SLC45A2: variants seen among roughly 807,000 people sequenced by gnomAD.
SLC45A2 encodes membrane-associated transporter protein.
In SLC45A2, 36 loss-of-function variants were observed where a neutral mutation model predicts 45.5. The ratio of observed to expected loss-of-function variants is 0.79; its 90% CI spans 0.61 to 1.04. SLC45A2 has a LOEUF of 1.04. Ranked by LOEUF, SLC45A2 falls within the 50% of genes least tolerant of loss-of-function variation. The pLI is 0.00. For missense variants in SLC45A2, 719 were observed against 671.0 expected (o/e 1.07, Z -0.79); for synonymous variants, 306 against 269.3 (o/e 1.14, Z -1.33).
intron 2 of SLC45A2, among the ~76,000 whole-genome samples, chr5:33,974,303 A>G (rs1752863782): frequency 1.3e-5 from 2 of 152,176 alleles, no homozygotes; most frequent in South Asian, 4.1e-4. Flanking sequence ...TAGAGGAATT[A>G]AATGTCTCCC....
intron 6 of SLC45A2, chr5:33,946,257 AG>A (rs1399741340): frequency 2.9e-5 from 29 of 985,352 alleles, no homozygotes; most frequent in Middle Eastern, 5.2e-4. Flanking sequence ...GGATGAGGAA[AG>A]CCACACCTCT....
chr5:33,954,492 T>C lies in SLC45A2; in HGVS notation c.901A>G (p.Met301Val). Reference sequence around the variant, plus strand: ...GCTCTCAGCAGTGACTTTAATGTCATTGCCCTGCGAGTCTGAAATAAAACA... The same window carrying C: ...GCTCTCAGCAGTGACTTTAATGTCACTGCCCTGCGAGTCTGAAATAAAACA... ...KNHAEQTRRA[M>V]TLKSLLRALV... The change falls in exon 4 of 7, where the codon ATG (methionine) becomes GTG (valine). Residue 301 changes from methionine (M) to valine (V), a missense_variant. Physicochemically the swap from Met to Val is conservative, Grantham distance 21. Transcript: ENST00000296589. 4.3e-6 allele frequency: 7 copies of C among 1,613,938 alleles called. No individual in the cohort carries two copies. Among genetic ancestry groups the C allele is most frequent in the South Asian group, 1.1e-5 (1 of 91,070 alleles).
chr5:33,958,854 C>A (rs28777), intron 3 of SLC45A2, among the ~76,000 whole-genome samples: 104,654 of 152,160 alleles, frequency 0.69, 44,405 homozygotes, highest in Non-Finnish European at 0.97. Flanking sequence ...CTCACAGCAG[C>A]CTCTGAGTGG....
At chr5:33,950,288 C>A (rs1379480565) in intron 5 of SLC45A2, among the ~76,000 whole-genome samples, 3 of 152,280 alleles carry the variant, frequency 2.0e-5, no homozygotes, top group Middle Eastern at 6.8e-3. Flanking sequence ...ATTTACTAGA[C>A]CCTTTTAGTC....
At chr5:33,975,789 C>T (rs1274362521) in intron 2 of SLC45A2, among the ~76,000 whole-genome samples, 1 of 152,130 alleles carries the variant, frequency 6.6e-6, no homozygotes, top group African/African-American at 2.4e-5. Flanking sequence ...CCCAATTCTG[C>T]CTAATGAGAA....
intron 5 of SLC45A2, among the ~76,000 whole-genome samples, chr5:33,947,596 AT>A (rs937897833): frequency 3.3e-5 from 5 of 152,074 alleles, no homozygotes; most frequent in African/African-American, 7.2e-5. Context: ...TGGTAGGCTG[AT>A]TTTTTTTCTA....
intron 3 of SLC45A2, 77 bp downstream of exon 3, chr5:33,963,614 A>G: frequency 1.4e-6 from 2 of 1,447,000 alleles, no homozygotes; most frequent in Non-Finnish European, 1.9e-6. Flanking sequence ...CAGACAAAAC[A>G]AACAATTAAA....
chr5:33,944,688 C>G lies in SLC45A2; in HGVS notation c.1553G>C (p.Gly518Ala). 1 of 1,614,198 alleles carries G rather than the reference C, an allele frequency of 6.2e-7. No individual in the cohort carries two copies. Among genetic ancestry groups the G allele is most frequent in the African/African-American group, 1.3e-5 (1 of 75,040 alleles). Residue 518 changes from glycine (G) to alanine (A), a missense_variant, in exon 7 of 7, where the codon GGC becomes GCC. By Grantham distance (60) the Gly-to-Ala change is moderately conservative (BLOSUM62 0). Coordinates refer to ENST00000296589, the MANE Select transcript of SLC45A2 (RefSeq NM_016180.5). ...AACAAAGAGAGCGACAAAGCAACAGCCTATCAGTGCCACCGCAGACGCTGT... is the reference window on the plus strand; with the variant it reads ...AACAAAGAGAGCGACAAAGCAACAGGCTATCAGTGCCACCGCAGACGCTGT... ...VITASAVALI[G>A]CCFVALFVRY...
intron 3 of SLC45A2, among the ~76,000 whole-genome samples, 199 bp from the exon 4 acceptor site, chr5:33,954,703 T>A (rs1490677554): frequency 1.3e-5 from 2 of 152,082 alleles, no homozygotes; most frequent in African/African-American, 4.8e-5. Context: ...TGCTTGGCAG[T>A]TTCAGGCCCA....
intron 4 of SLC45A2, 51 bp from the exon 5 acceptor site, chr5:33,951,728 C>T: frequency 6.2e-7 from 1 of 1,612,160 alleles, no homozygotes. Context: ...GTAGTAAGAA[C>T]CCTTCTCATG....
chr5:33,954,612 C>A lies in SLC45A2; in HGVS notation c.889-108G>T, dbSNP rs530586736. 33 of 1,474,462 alleles carry A rather than the reference C, an allele frequency of 2.2e-5. No homozygotes were observed. In the African/African-American group the frequency reaches 4.4e-4, roughly 20 times the overall value. The allele number at this position is 1,474,462 out of a possible 1,614,324, so 91.3% of individuals were successfully genotyped here. Reference sequence around the variant, plus strand: ...ATGTATTTGTCAGTCAGCCATCACACAAAGTGTCACTTTTCCTGGACATGG... The same window carrying A: ...ATGTATTTGTCAGTCAGCCATCACAAAAAGTGTCACTTTTCCTGGACATGG... On this transcript the variant is annotated intron_variant, in intron 3 of 6. Coordinates refer to ENST00000296589, the MANE Select transcript of SLC45A2 (RefSeq NM_016180.5).
intron 2 of SLC45A2, among the ~76,000 whole-genome samples, chr5:33,964,930 G>C (rs931203487): frequency 6.6e-6 from 1 of 152,150 alleles, no homozygotes; most frequent in South Asian, 2.1e-4. Context: ...TCTGATAAAG[G>C]TGGGGAGATA....
intron 4 of SLC45A2, among the ~76,000 whole-genome samples, chr5:33,954,034 A>G (rs1336364984): frequency 6.7e-6 from 1 of 150,290 alleles, no homozygotes; most frequent in Non-Finnish European, 1.5e-5. Flanking sequence ...TATGCACCTA[A>G]TACAGGAGCA....
Position 33,984,559 on chromosome 5 carries a change from C to G in SLC45A2, c.25G>C (p.Gly9Arg). 6.2e-7 allele frequency: 1 copy of G among 1,611,074 alleles called. No individual in the cohort carries two copies. Among genetic ancestry groups the G allele is most frequent in the Non-Finnish European group, 8.5e-7 (1 of 1,180,026 alleles). The change falls in exon 1 of 7, where the codon GGC becomes CGC. Residue 9 changes from glycine (G) to arginine (R), a missense_variant. Physicochemically the swap from Gly to Arg is moderately radical, Grantham distance 125 (BLOSUM62 -2). Coordinates refer to ENST00000296589, the MANE Select transcript of SLC45A2 (RefSeq NM_016180.5). ...GCTAGGGATTTATAGATGTGGCGGC[C>G]AGCCTGCCCACTGTTGCTACCCATG... MGSNSGQA[G>R]RHIYKSLADD...
At chr5:33,967,809 CA>C (rs1752644955) in intron 2 of SLC45A2, among the ~76,000 whole-genome samples, 1 of 151,130 alleles carries the variant, frequency 6.6e-6, no homozygotes, top group Non-Finnish European at 1.5e-5. Context: ...CACACACACA[CA>C]CACACACACA....
chr5:33,977,453 T>A (rs2112002543), intron 2 of SLC45A2, among the ~76,000 whole-genome samples: 1 of 152,334 alleles, frequency 6.6e-6, no homozygotes, highest in South Asian at 2.1e-4. Context: ...GATTATTTTG[T>A]GGATCTAGTC....
intron 2 of SLC45A2, among the ~76,000 whole-genome samples, chr5:33,976,415 T>G (rs189760654): frequency 1.3e-5 from 2 of 152,212 alleles, no homozygotes; most frequent in Non-Finnish European, 2.9e-5. Context: ...TTCAAATAAC[T>G]AACATGGAAG....
intron 2 of SLC45A2, among the ~76,000 whole-genome samples, chr5:33,973,155 A>C (rs772667052): frequency 8.5e-5 from 13 of 152,200 alleles, no homozygotes; most frequent in Non-Finnish European, 1.8e-4. Context: ...GTACCTGGGA[A>C]AGCACTTTCG....
Position 33,946,728 on chromosome 5 carries a change from A to T in SLC45A2, c.1368+435T>A, listed in dbSNP as rs561905321. The T allele has an allele frequency of 1.1e-5, 12 of 1,064,766 alleles. No homozygotes were observed. In the South Asian group the frequency reaches 4.1e-4, roughly 36 times the overall value. The allele number at this position is 1,064,766 out of a possible 1,614,324, so 66.0% of individuals were successfully genotyped here. ...TCAGCAAATAATGCCAAGAAATTCC[A>T]CTATGTACCTCTGAAAGTTGGGGAT... is the stretch of plus-strand genomic sequence containing the variant. On this transcript the variant is annotated intron_variant, in intron 6 of 6. Transcript: ENST00000296589.
Sources: gnomAD v4.1 joint callset for allele counts (sites outside exome capture counted in the v4.1 genomes callset) on GRCh38, gnomAD v4.1.1 for gene constraint, MANE v1.5 for transcripts, NCBI Gene and HGNC (gene_info 2026-07-23, HGNC 2026-07-21) for gene names.